The following NKAIN1 variants were observed in gnomAD, a reference collection of about 807,000 sequenced individuals.
NKAIN1 encodes the protein sodium/potassium-transporting ATPase subunit beta-1-interacting protein 1.
A neutral mutation model predicts 31.6 loss-of-function variants in NKAIN1; 13 were observed. The observed-to-expected ratio is 0.41, with a 90% confidence interval of 0.27 to 0.65. NKAIN1 has a LOEUF of 0.65. Ranked by LOEUF, NKAIN1 falls within the 30% of genes least tolerant of loss-of-function variation. NKAIN1 has a pLI of 0.30. For synonymous variants in NKAIN1, 104 were observed against 109.0 expected, an observed-to-expected ratio of 0.95 and a Z score of 0.28; for missense variants, 193 against 262.2, an observed-to-expected ratio of 0.74 and a Z score of 1.82.
chr1:31,213,435 TTGA>T (rs1240358624), intron 1 of NKAIN1, among the ~76,000 whole-genome samples: 1 of 151,698 alleles, frequency 6.6e-6, no homozygotes, highest in African/African-American at 2.4e-5. Flanking sequence ...ATAACAAGTG[TTGA>T]TGATGCAGAG....
At chr1:31,182,487 C>A in intron 5 of NKAIN1, 43 bp downstream of exon 5, 5 of 1,608,634 alleles carry the variant, frequency 3.1e-6, no homozygotes, top group Non-Finnish European at 4.3e-6. Flanking sequence ...GTGCTGAAGG[C>A]GCAGGGCCAG....
At chr1:31,214,021 AATT>A in intron 1 of NKAIN1, among the ~76,000 whole-genome samples, 1 of 150,186 alleles carries the variant, frequency 6.7e-6, no homozygotes, top group Admixed American at 6.6e-5. Flanking sequence ...AAAATTAATT[AATT>A]AATTAATTAA....
intron 1 of NKAIN1, among the ~76,000 whole-genome samples, chr1:31,189,934 CAG>C (rs1190240841): frequency 6.6e-6 from 1 of 152,168 alleles, no homozygotes; most frequent in African/African-American, 2.4e-5. Flanking sequence ...AGCTAAGGTA[CAG>C]AGAGAGTGTG....
intron 1 of NKAIN1, among the ~76,000 whole-genome samples, chr1:31,236,368 G>A (rs1320159729): frequency 6.6e-6 from 1 of 152,184 alleles, no homozygotes; most frequent in Non-Finnish European, 1.5e-5. Context: ...TCATTGTAAC[G>A]ATTAAACTCC....
At chr1:31,230,050 A>G (rs1470639603) in intron 1 of NKAIN1, among the ~76,000 whole-genome samples, 2 of 152,080 alleles carry the variant, frequency 1.3e-5, no homozygotes, top group Non-Finnish European at 2.9e-5. Context: ...AGAGAAGACC[A>G]CGGTCCAGCA....
chr1:31,236,177 G>C (rs1331455260), intron 1 of NKAIN1, among the ~76,000 whole-genome samples: 4 of 152,064 alleles, frequency 2.6e-5, no homozygotes, highest in African/African-American at 9.7e-5. Context: ...GACAGAACCA[G>C]GTCTAAAAGC....
chr1:31,196,074 T>C (rs1414394894), intron 1 of NKAIN1, among the ~76,000 whole-genome samples: 1 of 151,640 alleles, frequency 6.6e-6, no homozygotes, highest in Non-Finnish European at 1.5e-5. Context: ...GGCGATCTCC[T>C]TGTCATTAAA....
At chr1:31,192,404 TGAA>T (rs1314315499) in intron 1 of NKAIN1, among the ~76,000 whole-genome samples, 1 of 152,038 alleles carries the variant, frequency 6.6e-6, no homozygotes, top group Non-Finnish European at 1.5e-5. Context: ...GATGCAGAAG[TGAA>T]GAAGTTGGGG....
At chr1:31,197,923 C>G (rs754739186) in intron 1 of NKAIN1, among the ~76,000 whole-genome samples, 1 of 152,042 alleles carries the variant, frequency 6.6e-6, no homozygotes, top group Admixed American at 6.6e-5. Flanking sequence ...GTGGTGTGAT[C>G]GCGGCTCACT....
chr1:31,232,424 T>TATATATATATAGAGAGAG (rs1313157898), intron 1 of NKAIN1, among the ~76,000 whole-genome samples: 3 of 16,918 alleles, frequency 1.8e-4, no homozygotes, highest in African/African-American at 3.4e-4. Context: ...TATATATATA[T>TATATATATATAGAGAGAG]AGAGAGAGAG....
chr1:31,210,375 G>A (rs1047368712), intron 1 of NKAIN1, among the ~76,000 whole-genome samples: 11 of 149,884 alleles, frequency 7.3e-5, no homozygotes, highest in African/African-American at 1.7e-4. Flanking sequence ...TGCAACCTCC[G>A]TCTCCTGGGT....
intron 2 of NKAIN1, 22 bp downstream of exon 2, chr1:31,188,028 G>A: frequency 3.2e-6 from 5 of 1,549,586 alleles, no homozygotes; most frequent in Non-Finnish European, 4.4e-6. Flanking sequence ...GTTGGCTTGG[G>A]AAGGGGCTAG....
chr1:31,181,846 G>T lies in NKAIN1; in HGVS notation c.614+14C>A. 1 of 1,600,978 alleles carries T rather than the reference G, an allele frequency of 6.2e-7. No homozygotes were observed. Among genetic ancestry groups the T allele is most frequent in the Non-Finnish European group, 8.5e-7 (1 of 1,174,620 alleles). On this transcript the variant is annotated intron_variant, in intron 6 of 6. Coordinates refer to ENST00000373736, the MANE Select transcript of NKAIN1 (RefSeq NM_024522.3). ...GCCCAGGCCTCCCCAAGCCAGCAGG[G>T]GGCCGTGACCCACGTGTACAGAGGC...
At chr1:31,183,532 T>G (rs1645219704) in intron 4 of NKAIN1, among the ~76,000 whole-genome samples, 1 of 139,590 alleles carries the variant, frequency 7.2e-6, no homozygotes, top group African/African-American at 2.8e-5. Context: ...CACCGCAACC[T>G]CCACCTCCTG....
In NKAIN1 at chr1:31,188,070, G is replaced by C; in HGVS notation, c.172C>G (p.Arg58Gly). The part of the protein sequence containing the change: ...ILGIFGTVQY[R>G]SRYLILYAAW... The stretch of plus-strand genomic sequence containing the variant: ...CGTACCAGGATGAGGTACCGGGAGC[G>C]GTACTGCACGGTGCCAAAGATGCCC... Residue 58 changes from arginine to glycine, a missense_variant, in exon 2 of 7, where the codon CGC becomes GGC. Arg to Gly is a moderately radical substitution (Grantham distance 125, BLOSUM62 -2). Coordinates refer to ENST00000373736, the MANE Select transcript of NKAIN1 (RefSeq NM_024522.3). 1 of 1,553,712 alleles carries C rather than the reference G, an allele frequency of 6.4e-7. No homozygotes were observed. The highest frequency in any genetic ancestry group is 8.7e-7 in the Non-Finnish European group (1 of 1,148,238).
chr1:31,200,001 A>G (rs1645364320), intron 1 of NKAIN1, among the ~76,000 whole-genome samples: 1 of 134,332 alleles, frequency 7.4e-6, no homozygotes, highest in Non-Finnish European at 1.6e-5. Flanking sequence ...ACACACACAC[A>G]CGCACACACA....
chr1:31,209,384 CA>C (rs1645449803), intron 1 of NKAIN1, among the ~76,000 whole-genome samples: 1 of 151,832 alleles, frequency 6.6e-6, no homozygotes, highest in East Asian at 1.9e-4. Flanking sequence ...TCAAACAAAA[CA>C]AAACAAAACA....
In NKAIN1 at chr1:31,236,058, C is replaced by A. The variant is rs1645690311; in HGVS notation, c.54+3436G>T. Among the ~76,000 whole-genome samples the A allele has an allele frequency of 3.9e-5, 6 of 152,180 alleles. No individual in the cohort carries two copies. In the South Asian group the frequency reaches 1.2e-3, roughly 32 times the overall value. On this transcript the variant is annotated intron_variant, in intron 1 of 6. Transcript: ENST00000373736. ...CATTATATGGACTGAGTCCTCACAA[C>A]AACCCTAAGGATTAGGAACTGTTTT...
At chr1:31,199,306 G>A (rs1317856088) in intron 1 of NKAIN1, among the ~76,000 whole-genome samples, 2 of 152,200 alleles carry the variant, frequency 1.3e-5, no homozygotes, top group Non-Finnish European at 2.9e-5. Flanking sequence ...TCTCATTAGT[G>A]AAATGTCCTG....
Sources: allele counts gnomAD v4.1 joint callset (sites outside exome capture counted in the v4.1 genomes callset), GRCh38; gene constraint gnomAD v4.1.1; transcripts MANE v1.5; gene names NCBI Gene and HGNC (gene_info 2026-07-23, HGNC 2026-07-21).